Variants in ARHGAP28 observed in about 807,000 individuals in gnomAD.
The protein encoded by ARHGAP28 is rho GTPase-activating protein 28.
Under a neutral mutation model 90.7 loss-of-function variants are expected in ARHGAP28, and 56 were observed. That is an observed-to-expected ratio of 0.62 (90% CI 0.50 to 0.77). The LOEUF is 0.77. Among genes scored for constraint, ARHGAP28 ranks in the 30% least tolerant of loss-of-function variants. The probability of loss-of-function intolerance (pLI) is 0.00; values close to 1 mark genes in which losing one functional copy is unlikely to be tolerated. For missense variants in ARHGAP28, 869 were observed against 900.9 expected (o/e 0.96, Z 0.45); for synonymous variants, 308 against 323.3 (o/e 0.95, Z 0.51).
At chr18:6,839,359 T>C (rs1275795265) in intron 3 of ARHGAP28, among the ~76,000 whole-genome samples, 2 of 148,230 alleles carry the variant, frequency 1.3e-5, no homozygotes, top group Non-Finnish European at 3.0e-5. Context: ...AGTGGCGCAA[T>C]CTCGGCTCAC....
intron 1 of ARHGAP28, 172 bp downstream of exon 1, chr18:6,730,115 T>A: frequency 1.6e-6 from 1 of 644,336 alleles, no homozygotes; most frequent in Non-Finnish European, 2.2e-6. Flanking sequence ...TGACTGGAGG[T>A]GGGAAACGCT....
intron 1 of ARHGAP28, among the ~76,000 whole-genome samples, chr18:6,810,110 A>G (rs1381798377): frequency 2.0e-5 from 3 of 152,206 alleles, no homozygotes; most frequent in African/African-American, 7.2e-5. Flanking sequence ...AAAGTTCGAT[A>G]TAAGTTTCTG....
chr18:6,865,067 A>T (rs2057028391), intron 5 of ARHGAP28, among the ~76,000 whole-genome samples: 1 of 152,140 alleles, frequency 6.6e-6, no homozygotes, highest in East Asian at 1.9e-4. Flanking sequence ...TATTGCAATA[A>T]TTTATTCAAA....
At chr18:6,861,899 G>A (rs1232000350) in intron 5 of ARHGAP28, among the ~76,000 whole-genome samples, 2 of 152,168 alleles carry the variant, frequency 1.3e-5, no homozygotes, top group African/African-American at 2.4e-5. Context: ...GTCTTGTGTG[G>A]CAGTTATAGA....
chr18:6,758,585 A>T (rs992098469), intron 1 of ARHGAP28, among the ~76,000 whole-genome samples: 2 of 152,098 alleles, frequency 1.3e-5, no homozygotes, highest in Admixed American at 6.5e-5. Context: ...CGGCTTCCCA[A>T]AGTGCTGGGA....
At chr18:6,781,187 C>T (rs1216488115) in intron 1 of ARHGAP28, among the ~76,000 whole-genome samples, 3 of 152,184 alleles carry the variant, frequency 2.0e-5, no homozygotes, top group Admixed American at 6.5e-5. Context: ...GAGAGGCAGT[C>T]GGGACAGTCA....
At position 6,875,705 on chromosome 18, in the gene ARHGAP28, T is replaced by C. The variant is rs184099807; in HGVS notation, c.1213-426T>C. 8.5e-5 allele frequency among the ~76,000 whole-genome samples: 13 copies of C among 152,336 alleles called. No homozygotes were observed. The East Asian group carries it at 2.5e-3, about 29-fold the overall frequency. ...TTAATCTTTACCCCGTCTAAACTCC[T>C]TGATCAGACATCTAGAATTCCTATA... On this transcript the variant is annotated intron_variant, in intron 9 of 17. Transcript: ENST00000383472.
At chr18:6,854,998 TC>T (rs2056941613) in intron 4 of ARHGAP28, among the ~76,000 whole-genome samples, 1 of 152,022 alleles carries the variant, frequency 6.6e-6, no homozygotes, top group Non-Finnish European at 1.5e-5. Context: ...TTGGCCCCCC[TC>T]AGAACTTTGG....
intron 1 of ARHGAP28, among the ~76,000 whole-genome samples, chr18:6,795,020 A>G (rs2056431898): frequency 6.6e-6 from 1 of 152,180 alleles, no homozygotes; most frequent in Non-Finnish European, 1.5e-5. Context: ...ATGCATGAAG[A>G]AAAGTTACAC....
At chr18:6,837,000 C>CT (rs1238100127) in intron 2 of ARHGAP28, among the ~76,000 whole-genome samples, 197 bp from the exon 3 acceptor site, 8 of 152,132 alleles carry the variant, frequency 5.3e-5, no homozygotes, top group Non-Finnish European at 1.0e-4. Context: ...TTACCTTACT[C>CT]TATTAGAAAA....
chr18:6,852,645 G>A (rs1318507631), intron 4 of ARHGAP28, among the ~76,000 whole-genome samples: 3 of 152,074 alleles, frequency 2.0e-5, no homozygotes, highest in Non-Finnish European at 4.4e-5. Context: ...CCTTAGCATG[G>A]ACTAACAACT....
chr18:6,857,142 C>T (rs925443942), intron 4 of ARHGAP28, among the ~76,000 whole-genome samples: 1 of 152,166 alleles, frequency 6.6e-6, no homozygotes, highest in Non-Finnish European at 1.5e-5. Flanking sequence ...TGAGCAAACA[C>T]AGCCACATCT....
In ARHGAP28 at chr18:6,909,248, G is replaced by GTCTTTTCTTT. The variant is rs1172759953; in HGVS notation, c.2095+240_2095+249dup. Among the ~76,000 whole-genome samples the GTCTTTTCTTT allele has an allele frequency of 2.1e-4, 26 of 121,366 alleles. 1 individual carries two copies. The highest frequency in any genetic ancestry group is 6.1e-4 in the African/African-American group (20 of 32,634). The allele number at this position is 121,366 out of a possible 152,430, so 79.6% of individuals were successfully genotyped here. On this transcript the variant is annotated intron_variant, in intron 17 of 17. Coordinates refer to ENST00000383472, the MANE Select transcript of ARHGAP28 (RefSeq NM_001366230.1). ...TAATGTTGATATGGAGTAGGCTTGG[G>GTCTTTTCTTT]TCTTTTCTTTTCTTTTCTTTTCTTT...
chr18:6,761,628 G>A (rs1329672769), intron 1 of ARHGAP28, among the ~76,000 whole-genome samples: 1 of 152,148 alleles, frequency 6.6e-6, no homozygotes, highest in East Asian at 1.9e-4. Context: ...ATCAGAATCA[G>A]GAAGGGCCAG....
intron 1 of ARHGAP28, among the ~76,000 whole-genome samples, chr18:6,744,710 A>G (rs895792724): frequency 6.6e-6 from 1 of 152,192 alleles, no homozygotes; most frequent in Admixed American, 6.5e-5. Context: ...TATATTAGTA[A>G]GATGCTTGTG....
At chr18:6,777,688 G>T (rs140746861) in intron 1 of ARHGAP28, among the ~76,000 whole-genome samples, 1 of 152,124 alleles carries the variant, frequency 6.6e-6, no homozygotes, top group Non-Finnish European at 1.5e-5. Flanking sequence ...TTGCACCACT[G>T]CATTCCAGCC....
At chr18:6,798,282 C>T (rs4538084) in intron 1 of ARHGAP28, among the ~76,000 whole-genome samples, 19,731 of 152,122 alleles carry the variant, frequency 0.13, 1,400 homozygotes, top group Non-Finnish European at 0.15. Flanking sequence ...CAACTTCCGC[C>T]TCCCAGGTTC....
chr18:6,799,406 C>G (rs1265500714), intron 1 of ARHGAP28, among the ~76,000 whole-genome samples: 1 of 151,890 alleles, frequency 6.6e-6, no homozygotes, highest in Admixed American at 6.6e-5. Context: ...CATATGAAAC[C>G]AAAAAAGAGC....
At chr18:6,814,333 G>A (rs2056576412) in intron 1 of ARHGAP28, among the ~76,000 whole-genome samples, 1 of 152,056 alleles carries the variant, frequency 6.6e-6, no homozygotes, top group Non-Finnish European at 1.5e-5. Context: ...AGCCCACATG[G>A]GACACCAAGC....
Sources: gnomAD v4.1 joint callset for allele counts (sites outside exome capture counted in the v4.1 genomes callset) on GRCh38, gnomAD v4.1.1 for gene constraint, MANE v1.5 for transcripts, NCBI Gene and HGNC (gene_info 2026-07-23, HGNC 2026-07-21) for gene names.